SLC49A4: variants seen among roughly 807,000 people sequenced by gnomAD.
SLC49A4 encodes the protein solute carrier family 49 member 4, also known as disrupted in renal cancer protein 2.
Under a neutral mutation model 50.6 loss-of-function variants are expected in SLC49A4, and 36 were observed. That is an observed-to-expected ratio of 0.71 (90% CI 0.55 to 0.94). The LOEUF (loss-of-function observed/expected upper bound fraction) is 0.94. Among genes scored for constraint, SLC49A4 ranks in the 40% least tolerant of loss-of-function variants. The probability of loss-of-function intolerance (pLI) is 0.00; values close to 1 mark genes in which losing one functional copy is unlikely to be tolerated. For synonymous variants in SLC49A4, 248 were observed against 241.2 expected (o/e 1.03, Z -0.26); for missense variants, 503 against 605.7 (o/e 0.83, Z 1.78).
intron 2 of SLC49A4, among the ~76,000 whole-genome samples, chr3:122,821,771 C>A (rs574062420): frequency 6.6e-6 from 1 of 152,118 alleles, no homozygotes. Flanking sequence ...TTTAAAACAC[C>A]CTAAAACATC....
chr3:122,843,599 G>A (rs1399661668), intron 4 of SLC49A4, among the ~76,000 whole-genome samples: 1 of 152,068 alleles, frequency 6.6e-6, no homozygotes, highest in African/African-American at 2.4e-5. Context: ...ATTGCAATTG[G>A]TCCAAAGTGC....
At chr3:122,855,192 G>A (rs1423893718) in intron 5 of SLC49A4, among the ~76,000 whole-genome samples, 1 of 152,188 alleles carries the variant, frequency 6.6e-6, no homozygotes, top group Non-Finnish European at 1.5e-5. Flanking sequence ...GGTCAAGTTT[G>A]GACTTTGTCC....
chr3:122,871,885 T>C (rs1404567560), intron 7 of SLC49A4, among the ~76,000 whole-genome samples: 1 of 152,130 alleles, frequency 6.6e-6, no homozygotes, highest in Non-Finnish European at 1.5e-5. Flanking sequence ...AAGTTACTTA[T>C]TTAAAAAAAA....
chr3:122,803,019 G>A (rs1161333004), intron 1 of SLC49A4, among the ~76,000 whole-genome samples: 1 of 152,096 alleles, frequency 6.6e-6, no homozygotes, highest in Non-Finnish European at 1.5e-5. Flanking sequence ...ATGGAGTGGT[G>A]CAAGAAAATT....
At chr3:122,800,412 T>C (rs773059093) in intron 1 of SLC49A4, among the ~76,000 whole-genome samples, 7 of 152,216 alleles carry the variant, frequency 4.6e-5, no homozygotes, top group Non-Finnish European at 8.8e-5. Context: ...AGTGTAGAAA[T>C]TTCTTTCAAG....
At chr3:122,828,596 G>A (rs1298662388) in intron 3 of SLC49A4, among the ~76,000 whole-genome samples, 1 of 152,140 alleles carries the variant, frequency 6.6e-6, no homozygotes, top group Non-Finnish European at 1.5e-5. Context: ...AAGGGTTTAA[G>A]GTTCACCACA....
chr3:122,795,409 G>A lies in SLC49A4; in HGVS notation c.217G>A (p.Gly73Ser). 1 of 1,607,562 alleles carries A rather than the reference G, an allele frequency of 6.2e-7. No individual in the cohort carries two copies. The highest frequency in any genetic ancestry group is 1.1e-5 in the South Asian group (1 of 90,654). The change falls in exon 1 of 9, where the codon GGT becomes AGT. Residue 73 changes from glycine (G) to serine (S), a missense_variant. Transcript: ENST00000261038. ...TCAGGGCCTGGTCTGGAACACCTGGGGTCCCATCCAGAACTCGGCGCGCCA... is the reference window on the plus strand; with the variant it reads ...TCAGGGCCTGGTCTGGAACACCTGGAGTCCCATCCAGAACTCGGCGCGCCA... Reference protein sequence around the residue: ...FVQGLVWNTWGPIQNSARQAY... With the variant: ...FVQGLVWNTWSPIQNSARQAY...
intron 1 of SLC49A4, among the ~76,000 whole-genome samples, chr3:122,806,156 T>G (rs1417637589): frequency 6.6e-6 from 1 of 151,354 alleles, no homozygotes; most frequent in African/African-American, 2.4e-5. Context: ...CAGTTAAGAG[T>G]TTTTTTTTAT....
intron 4 of SLC49A4, among the ~76,000 whole-genome samples, chr3:122,840,925 T>C (rs1936761742): frequency 6.6e-6 from 1 of 152,226 alleles, no homozygotes; most frequent in Non-Finnish European, 1.5e-5. Context: ...GATCTAACAC[T>C]TCTGTAGAAT....
At chr3:122,829,914 C>G (rs1466881446) in intron 3 of SLC49A4, among the ~76,000 whole-genome samples, 3 of 152,120 alleles carry the variant, frequency 2.0e-5, no homozygotes, top group African/African-American at 7.2e-5. Context: ...TAAAGAATAT[C>G]TCTGTTGAAA....
At chr3:122,836,435 A>T (rs549367770) in intron 4 of SLC49A4, among the ~76,000 whole-genome samples, 13 of 152,280 alleles carry the variant, frequency 8.5e-5, no homozygotes, top group Non-Finnish European at 1.8e-4. Context: ...ATGTTCATCA[A>T]GGATATTGGT....
intron 4 of SLC49A4, among the ~76,000 whole-genome samples, chr3:122,834,772 G>A (rs1306733468): frequency 1.3e-5 from 2 of 151,986 alleles, no homozygotes; most frequent in Non-Finnish European, 2.9e-5. Flanking sequence ...ACAAAAAGTT[G>A]GCTATTTGAA....
chr3:122,816,185 T>C (rs1936364998), intron 2 of SLC49A4, among the ~76,000 whole-genome samples: 1 of 152,180 alleles, frequency 6.6e-6, no homozygotes, highest in South Asian at 2.1e-4. Context: ...AGACTGGCTC[T>C]GAAGCACATT....
intron 3 of SLC49A4, among the ~76,000 whole-genome samples, chr3:122,831,149 A>G (rs1369135829): frequency 6.6e-6 from 1 of 152,114 alleles, no homozygotes; most frequent in Non-Finnish European, 1.5e-5. Flanking sequence ...AAAGTGGAGA[A>G]ATTAGAACCT....
At chr3:122,817,543 T>TGA (rs61637673) in intron 2 of SLC49A4, among the ~76,000 whole-genome samples, 3,726 of 151,162 alleles carry the variant, frequency 0.025, 137 homozygotes, top group African/African-American at 0.082. Context: ...CATGTGTGTG[T>TGA]GAGAGAGAGA....
rs1230948110 is a variant in SLC49A4 at position 122,813,333 on chromosome 3, A to G, written c.437+6383A>G. ...TGTTGTTTTTGAAATACGGTTATTT[A>G]TGAGACATTTTTTCCAAGGGCCCAC... On this transcript the variant is annotated intron_variant, in intron 2 of 8. Coordinates refer to ENST00000261038, the MANE Select transcript of SLC49A4 (RefSeq NM_032839.3). 2.0e-5 allele frequency among the ~76,000 whole-genome samples: 3 copies of G among 150,872 alleles called. No homozygotes were observed. The East Asian group carries it at 5.8e-4, about 29-fold the overall frequency.
At chr3:122,828,754 T>C (rs1256639301) in intron 3 of SLC49A4, among the ~76,000 whole-genome samples, 1 of 152,190 alleles carries the variant, frequency 6.6e-6, no homozygotes, top group Non-Finnish European at 1.5e-5. Flanking sequence ...ACACAACTTA[T>C]TCCTTTTAAA....
At chr3:122,841,067 ATTAGT>A (rs896674056) in intron 4 of SLC49A4, among the ~76,000 whole-genome samples, 29 of 152,222 alleles carry the variant, frequency 1.9e-4, no homozygotes, top group Admixed American at 3.9e-4. Context: ...TGGCCAAATT[ATTAGT>A]TCAGATCTGT....
At chr3:122,855,144 A>G (rs2107577696) in intron 5 of SLC49A4, among the ~76,000 whole-genome samples, 1 of 152,160 alleles carries the variant, frequency 6.6e-6, no homozygotes, top group East Asian at 1.9e-4. Context: ...GAAAAACAAC[A>G]AAAGGTAGAA....
Sources: gnomAD v4.1 joint callset for allele counts (sites outside exome capture counted in the v4.1 genomes callset) on GRCh38, gnomAD v4.1.1 for gene constraint, MANE v1.5 for transcripts, NCBI Gene and HGNC (gene_info 2026-07-23, HGNC 2026-07-21) for gene names.